OLFM1: variants seen among roughly 807,000 people sequenced by gnomAD.
OLFM1 encodes olfactomedin 1.
In OLFM1, 9 loss-of-function variants were observed where a neutral mutation model predicts 49.7. The observed-to-expected ratio is 0.18, with a 90% CI of 0.11 to 0.32. OLFM1 has a LOEUF of 0.32. Ranked by LOEUF, OLFM1 falls within the 10% of genes least tolerant of loss-of-function variation. OLFM1 has a pLI of 1.00. For synonymous variants in OLFM1, 240 were observed against 271.8 expected, an observed-to-expected ratio of 0.88 and a Z score of 1.15; for missense variants, 369 against 661.8, an observed-to-expected ratio of 0.56 and a Z score of 4.85.
chr9:135,087,284 G>A, upstream of OLFM1: 3 of 1,491,234 alleles, frequency 2.0e-6, no homozygotes, highest in Non-Finnish European at 2.7e-6. Context: ...AAGGGCTCCA[G>A]TAGGCAGGAC....
At chr9:135,090,168 C>T (rs762910925) in intron 1 of OLFM1, 27 bp from the exon 2 acceptor site, 6 of 1,588,226 alleles carry the variant, frequency 3.8e-6, no homozygotes, top group Non-Finnish European at 5.2e-6. Context: ...CTCCTTCCCT[C>T]TCCCTTCCCG....
chr9:135,087,951 G>C lies in OLFM1; in HGVS notation c.-39G>C. 7.2e-7 allele frequency: 1 copy of C among 1,388,492 alleles called. No homozygotes were observed. The highest frequency in any genetic ancestry group is 9.5e-7 in the Non-Finnish European group (1 of 1,057,348). The allele number at this position is 1,388,492 out of a possible 1,614,324, so 86.0% of individuals were successfully genotyped here. A position where few individuals can be genotyped will look rare whatever the true frequency, so the allele number is the denominator to read the frequency against. On this transcript the variant is annotated 5_prime_UTR_variant, in exon 1 of 6. Coordinates refer to ENST00000371793, the MANE Select transcript of OLFM1 (RefSeq NM_001282611.2). The stretch of plus-strand genomic sequence containing the variant: ...AGGCCGCCTGGGCGCGGGAGCCGGT[G>C]CCAGCTCGGAGCGGGCGCTGGAGGC...
chr9:135,078,410 G>A (rs1341947368), intron 1 of OLFM1, among the ~76,000 whole-genome samples: 1 of 152,212 alleles, frequency 6.6e-6, no homozygotes, highest in African/African-American at 2.4e-5. Flanking sequence ...GGATTCAGGC[G>A]GACAGGCAGG....
At chr9:135,087,148 CCGATG>C, upstream of OLFM1, 1 of 1,234,024 alleles carries the variant, frequency 8.1e-7, no homozygotes, top group Non-Finnish European at 1.1e-6. Flanking sequence ...TAGCTCTCCA[CCGATG>C]CCCCGACGCC....
At position 135,088,252 on chromosome 9, in the gene OLFM1, G is replaced by A; in HGVS notation, c.150+113G>A. 1 of 1,036,536 alleles carries A rather than the reference G, an allele frequency of 9.6e-7. No individual in the cohort carries two copies. Among genetic ancestry groups the A allele is most frequent in the South Asian group, 4.8e-5 (1 of 20,818 alleles). The allele number at this position is 1,036,536 out of a possible 1,614,324, so 64.2% of individuals were successfully genotyped here. A position where few individuals can be genotyped will look rare whatever the true frequency, so the allele number is the denominator to read the frequency against. ...GCCGCGCGGGACCCGAGTCGCCCAG[G>A]GAGGCGGCGGGGAGCAGGGCGGGCA... On this transcript the variant is annotated intron_variant, in intron 1 of 5. Transcript: ENST00000371793. This position sits in a 1 kb window ranked among gnomAD's most constrained non-coding sequence, Gnocchi z 4.8.
intron 4 of OLFM1, among the ~76,000 whole-genome samples, chr9:135,104,322 C>T (rs1287846916): frequency 6.6e-6 from 1 of 152,204 alleles, no homozygotes; most frequent in Non-Finnish European, 1.5e-5. Context: ...TCTGGCCAGG[C>T]GGCGGAGAGG....
At chr9:135,111,450 G>A (rs557396053) in intron 5 of OLFM1, among the ~76,000 whole-genome samples, 8 of 151,904 alleles carry the variant, frequency 5.3e-5, no homozygotes, top group South Asian at 2.1e-4. Context: ...TGATCAGTGT[G>A]CGAGACCTCC....
intron 4 of OLFM1, 42 bp from the exon 5 acceptor site, chr9:135,106,707 G>A: frequency 6.4e-7 from 1 of 1,570,806 alleles, no homozygotes; most frequent in Non-Finnish European, 8.7e-7. Context: ...CGCGGGCCGG[G>A]GCCCCCGCCC....
chr9:135,088,212 C>G lies in OLFM1; in HGVS notation c.150+73C>G, dbSNP rs1830627882. ...TCCTCCCCCTCCTCGGTCCGGAGCC[C>G]CGGGCTGGGCGGGCGCCGCGCGGGA... is the stretch of plus-strand genomic sequence containing the variant. On this transcript the variant is annotated intron_variant, in intron 1 of 5. Transcript: ENST00000371793. This position sits in a 1 kb window ranked among gnomAD's most constrained non-coding sequence, Gnocchi z 4.8. 8.3e-7 allele frequency: 1 copy of G among 1,204,928 alleles called. No homozygotes were observed. Among genetic ancestry groups the G allele is most frequent in the African/African-American group, 1.6e-5 (1 of 62,814 alleles). The allele number at this position is 1,204,928 out of a possible 1,614,324, so 74.6% of individuals were successfully genotyped here. A position where few individuals can be genotyped will look rare whatever the true frequency, so the allele number is the denominator to read the frequency against.
At position 135,090,438 on chromosome 9, in the gene OLFM1, G is replaced by C; in HGVS notation, c.300+94G>C. ...CCTGTGTGCTCACACCAGCACCAAG[G>C]CTTGGCTAGCTTGCAGGCCCCATTT... On this transcript the variant is annotated intron_variant, in intron 2 of 5. Transcript: ENST00000371793. The C allele has an allele frequency of 3.8e-6, 5 of 1,306,192 alleles. No homozygotes were observed. In the South Asian group the frequency reaches 6.2e-5, roughly 16 times the overall value. The allele number at this position is 1,306,192 out of a possible 1,614,324, so 80.9% of individuals were successfully genotyped here. A position where few individuals can be genotyped will look rare whatever the true frequency, so the allele number is the denominator to read the frequency against.
At chr9:135,076,632 C>A in intron 1 of OLFM1, 1 of 1,122,178 alleles carries the variant, frequency 8.9e-7, no homozygotes, top group Non-Finnish European at 1.2e-6. Flanking sequence ...GGGAGCCGGG[C>A]TGCTTGGGAG....
rs570112391 is a variant in OLFM1, at chr9:135,075,955, G to C, written c.96+153G>C. ...CCGGGGTTGGGGAGGGGGCCAGGGC[G>C]CTAGGCTGGACCTGGGTGGGAGGGA... On this transcript the variant is annotated intron_variant, in intron 1 of 5. Transcript: ENST00000252854. The C allele has an allele frequency of 1.8e-4, 248 of 1,413,168 alleles. 1 individual carries two copies. In the African/African-American group the frequency reaches 3.3e-3, roughly 19 times the overall value. The allele number at this position is 1,413,168 out of a possible 1,614,324, so 87.5% of individuals were successfully genotyped here.
intron 5 of OLFM1, among the ~76,000 whole-genome samples, chr9:135,118,417 T>G (rs1295539020): frequency 6.9e-6 from 1 of 145,096 alleles, no homozygotes; most frequent in Non-Finnish European, 1.5e-5. Context: ...GCTGTGTCTT[T>G]GGAGTGCTCG....
At chr9:135,099,738 A>C (rs962056393) in intron 4 of OLFM1, among the ~76,000 whole-genome samples, 1 of 152,184 alleles carries the variant, frequency 6.6e-6, no homozygotes, top group African/African-American at 2.4e-5. Flanking sequence ...TGCTAACTGC[A>C]TTCTTTCAGC....
intron 4 of OLFM1, among the ~76,000 whole-genome samples, chr9:135,101,481 C>T (rs79686114): frequency 0.024 from 3,697 of 152,348 alleles, 55 homozygotes; most frequent in African/African-American, 0.046. Flanking sequence ...AGGACCAGGG[C>T]TCCATCAGTT....
chr9:135,104,114 T>G (rs574963913), intron 4 of OLFM1, among the ~76,000 whole-genome samples: 5 of 152,116 alleles, frequency 3.3e-5, no homozygotes, highest in Admixed American at 6.5e-5. Context: ...GGCAGCCCCA[T>G]GAGATGTACG....
intron 2 of OLFM1, 96 bp from the exon 3 acceptor site, chr9:135,095,768 G>T (rs1241892963): frequency 7.5e-7 from 1 of 1,330,318 alleles, no homozygotes; most frequent in East Asian, 2.3e-5. Flanking sequence ...CAGTGTGCTG[G>T]CTGTGTGGGA....
At chr9:135,076,528 T>C in intron 1 of OLFM1, 2 of 1,219,194 alleles carry the variant, frequency 1.6e-6, no homozygotes, top group East Asian at 2.6e-5. Context: ...ATATTGGAGC[T>C]GGCAGGTCTT....
At chr9:135,090,613 C>T (rs1289967641) in intron 2 of OLFM1, among the ~76,000 whole-genome samples, 1 of 151,906 alleles carries the variant, frequency 6.6e-6, no homozygotes, top group East Asian at 1.9e-4. Flanking sequence ...CAAGGGTGGT[C>T]CAGGAAGAGA....
Sources: allele counts gnomAD v4.1 joint callset (sites outside exome capture counted in the v4.1 genomes callset), GRCh38; gene constraint gnomAD v4.1.1; non-coding constraint Gnocchi (gnomAD v3.1); transcripts MANE v1.5; gene names NCBI Gene and HGNC (gene_info 2026-07-23, HGNC 2026-07-21).